Variants in GPR39 observed in about 807,000 individuals in gnomAD.
GPR39 encodes the protein zinc sensing receptor.
Under a neutral mutation model 18.4 loss-of-function variants are expected in GPR39, and 23 were observed. The ratio of observed to expected loss-of-function variants is 1.25; its 90% confidence interval spans 0.90 to 1.77. The LOEUF is 1.77. Among genes scored for constraint, GPR39 ranks in the 40% most tolerant of loss-of-function variants. GPR39 has a pLI of 0.00. For synonymous variants in GPR39, 280 were observed against 257.9 expected (o/e 1.09, Z -0.82); for missense variants, 647 against 602.4 (o/e 1.07, Z -0.78).
chr2:132,479,186 C>T (rs1261753967), intron 1 of GPR39, among the ~76,000 whole-genome samples: 1 of 152,154 alleles, frequency 6.6e-6, no homozygotes, highest in Non-Finnish European at 1.5e-5. Context: ...ATTCCAGGCA[C>T]TGCGGAGGAT....
At chr2:132,603,836 C>G (rs375899102) in intron 1 of GPR39, among the ~76,000 whole-genome samples, 41 of 152,142 alleles carry the variant, frequency 2.7e-4, no homozygotes, top group Admixed American at 1.0e-3. Context: ...CTCAAGGCCA[C>G]TGACTTATGC....
intron 1 of GPR39, among the ~76,000 whole-genome samples, chr2:132,587,363 C>G (rs577777376): frequency 1.2e-4 from 18 of 152,298 alleles, no homozygotes; most frequent in African/African-American, 4.3e-4. Context: ...CATAATAGGC[C>G]AAGAACCAGG....
rs1432197293 is a variant in GPR39, at chr2:132,451,784, TGTTA to T, written c.856+33891_856+33894del. Among the ~76,000 whole-genome samples the T allele has an allele frequency of 2.0e-5, 3 of 152,232 alleles. No individual in the cohort carries two copies. In the East Asian group the frequency reaches 5.8e-4, roughly 29 times the overall value. ...TACAGTAGCTTCTTCCTTCCCCTTCTGTTAGTTATATTAGATCTACATTTTCAGG... is the reference window on the plus strand; with the variant it reads ...TACAGTAGCTTCTTCCTTCCCCTTCTGTTATATTAGATCTACATTTTCAGG... On this transcript the variant is annotated intron_variant, in intron 1 of 1. Transcript: ENST00000329321.
intron 1 of GPR39, among the ~76,000 whole-genome samples, chr2:132,428,519 G>C (rs888774164): frequency 6.6e-5 from 10 of 152,242 alleles, no homozygotes; most frequent in Non-Finnish European, 1.3e-4. Flanking sequence ...TCACTCCAGA[G>C]ATGTTGTTAG....
chr2:132,495,095 G>T (rs1681614540), intron 1 of GPR39, among the ~76,000 whole-genome samples: 1 of 152,126 alleles, frequency 6.6e-6, no homozygotes, highest in South Asian at 2.1e-4. Flanking sequence ...ACATAACAAG[G>T]CCATAGAAGA....
chr2:132,508,627 G>A (rs1679179964), intron 1 of GPR39, among the ~76,000 whole-genome samples: 1 of 152,196 alleles, frequency 6.6e-6, no homozygotes, highest in Admixed American at 6.5e-5. Context: ...GTGGAGGACA[G>A]CATCTTGTTA....
chr2:132,440,821 A>G (rs1177762176), intron 1 of GPR39, among the ~76,000 whole-genome samples: 1 of 152,210 alleles, frequency 6.6e-6, no homozygotes, highest in African/African-American at 2.4e-5. Flanking sequence ...CTCAGTTGCA[A>G]CAAGACCCAG....
chr2:132,493,762 C>G (rs1051174173), intron 1 of GPR39, among the ~76,000 whole-genome samples: 4 of 151,782 alleles, frequency 2.6e-5, no homozygotes, highest in Non-Finnish European at 5.9e-5. Context: ...AGATGGTGGA[C>G]TGCATAGGTC....
At chr2:132,467,452 T>C (rs1326539929) in intron 1 of GPR39, among the ~76,000 whole-genome samples, 1 of 152,146 alleles carries the variant, frequency 6.6e-6, no homozygotes, top group African/African-American at 2.4e-5. Flanking sequence ...AAAGTAACTA[T>C]TGGGTACTAT....
intron 1 of GPR39, among the ~76,000 whole-genome samples, chr2:132,450,311 G>T (rs1340782382): frequency 6.6e-6 from 1 of 152,198 alleles, no homozygotes; most frequent in Non-Finnish European, 1.5e-5. Context: ...CACCAACATT[G>T]AGCTTTCTGC....
At chr2:132,552,822 G>A (rs200066444) in intron 1 of GPR39, among the ~76,000 whole-genome samples, 52 of 118,724 alleles carry the variant, frequency 4.4e-4, no homozygotes, top group Non-Finnish European at 5.3e-4. Context: ...GTGTGTGTAT[G>A]TATATATATA....
At chr2:132,512,274 G>T (rs921411124) in intron 1 of GPR39, among the ~76,000 whole-genome samples, 3 of 152,182 alleles carry the variant, frequency 2.0e-5, no homozygotes, top group African/African-American at 4.8e-5. Flanking sequence ...GGAAGAATAG[G>T]CCCAGTTAAC....
intron 1 of GPR39, among the ~76,000 whole-genome samples, chr2:132,445,255 A>G (rs10192743): frequency 0.51 from 76,948 of 151,996 alleles, 21,168 homozygotes; most frequent in Non-Finnish European, 0.62. Context: ...CTATGTTCCC[A>G]TAGTCCTTAT....
intron 1 of GPR39, among the ~76,000 whole-genome samples, chr2:132,562,968 A>G (rs943403897): frequency 5.9e-5 from 9 of 152,192 alleles, no homozygotes; most frequent in Admixed American, 5.2e-4. Flanking sequence ...TGCAATCCCT[A>G]AAAAAGCGGC....
At chr2:132,473,674 A>G (rs1263093140) in intron 1 of GPR39, among the ~76,000 whole-genome samples, 3 of 152,176 alleles carry the variant, frequency 2.0e-5, no homozygotes, top group Non-Finnish European at 2.9e-5. Flanking sequence ...TGCGACTACC[A>G]CTTGGCTAAT....
chr2:132,533,103 T>C (rs1679672714), intron 1 of GPR39, among the ~76,000 whole-genome samples: 1 of 152,162 alleles, frequency 6.6e-6, no homozygotes, highest in African/African-American at 2.4e-5. Context: ...AACCCCATCG[T>C]CTCAGCCCAA....
intron 1 of GPR39, among the ~76,000 whole-genome samples, chr2:132,490,051 T>C (rs1241348426): frequency 1.3e-5 from 2 of 151,820 alleles, no homozygotes; most frequent in Non-Finnish European, 2.9e-5. Context: ...GCTCACCTGC[T>C]TTCTGTCCTG....
intron 1 of GPR39, among the ~76,000 whole-genome samples, chr2:132,451,030 C>T (rs1390998866): frequency 1.3e-5 from 2 of 152,148 alleles, no homozygotes; most frequent in Admixed American, 1.3e-4. Flanking sequence ...GTGGGATCAA[C>T]CTGCCCCAGG....
intron 1 of GPR39, among the ~76,000 whole-genome samples, chr2:132,599,707 A>G (rs1345290699): frequency 6.6e-6 from 1 of 152,156 alleles, no homozygotes; most frequent in Non-Finnish European, 1.5e-5. Flanking sequence ...AAGGTGTGGT[A>G]GTGAGGGCGC....
Sources: gnomAD v4.1 joint callset for allele counts (sites outside exome capture counted in the v4.1 genomes callset) on GRCh38, gnomAD v4.1.1 for gene constraint, MANE v1.5 for transcripts, NCBI Gene and HGNC (gene_info 2026-07-23, HGNC 2026-07-21) for gene names.